Variants in CEP120 observed in about 807,000 individuals in gnomAD.
The protein encoded by CEP120 is centrosomal protein 120, also known as centrosomal protein of 120 kDa.
Under a neutral mutation model 126.5 loss-of-function variants are expected in CEP120, and 113 were observed. The observed-to-expected ratio is 0.89, with a 90% CI of 0.77 to 1.04. The LOEUF (loss-of-function observed/expected upper bound fraction) is 1.04. Ranked by LOEUF, CEP120 falls within the 50% of genes least tolerant of loss-of-function variation. CEP120 has a pLI of 0.00. For missense variants in CEP120, 1,230 were observed against 1,155.7 expected (o/e 1.06, Z -0.93); for synonymous variants, 400 against 394.3 (o/e 1.01, Z -0.17).
chr5:123,422,110 T>C (rs1406421468), intron 1 of CEP120, among the ~76,000 whole-genome samples: 2 of 152,216 alleles, frequency 1.3e-5, no homozygotes, highest in African/African-American at 4.8e-5. Context: ...ATTTAACCAA[T>C]GTTTACTGAG....
chr5:123,346,868 G>A (rs1344122949), intron 19 of CEP120, 115 bp from the exon 20 acceptor site: 8 of 779,392 alleles, frequency 1.0e-5, no homozygotes, highest in Admixed American at 1.0e-4. Context: ...TTTTCAGGAA[G>A]AAAACAAACC....
chr5:123,389,054 A>C (rs1433324005), intron 8 of CEP120, among the ~76,000 whole-genome samples: 4 of 152,224 alleles, frequency 2.6e-5, no homozygotes, highest in Admixed American at 2.6e-4. Context: ...TATCTAGTCC[A>C]ACCTATTAGA....
intron 17 of CEP120, among the ~76,000 whole-genome samples, chr5:123,368,074 TTCTC>T (rs1770592802): frequency 6.6e-6 from 1 of 151,972 alleles, no homozygotes; most frequent in Admixed American, 6.6e-5. Context: ...TTATGTACTT[TTCTC>T]TCTCAAGGCA....
chr5:123,417,226 T>C (rs987210274), intron 2 of CEP120, among the ~76,000 whole-genome samples: 3 of 152,216 alleles, frequency 2.0e-5, no homozygotes, highest in Non-Finnish European at 4.4e-5. Context: ...TCTCTAAGAA[T>C]GCAATACTTC....
At chr5:123,374,066 C>A (rs1469970172) in intron 16 of CEP120, among the ~76,000 whole-genome samples, 2 of 152,016 alleles carry the variant, frequency 1.3e-5, no homozygotes, top group Non-Finnish European at 2.9e-5. Context: ...AGATAAATAT[C>A]CATGTAAATA....
chr5:123,394,983 A>G (rs1465400794), intron 5 of CEP120, among the ~76,000 whole-genome samples: 1 of 152,220 alleles, frequency 6.6e-6, no homozygotes, highest in Non-Finnish European at 1.5e-5. Flanking sequence ...TGCCTAGCAC[A>G]CAGCTGTTGT....
At chr5:123,386,767 T>C in intron 9 of CEP120, 100 bp from the exon 10 acceptor site, 1 of 917,938 alleles carries the variant, frequency 1.1e-6, no homozygotes, top group African/African-American at 1.7e-5. Context: ...ATGAATATTA[T>C]GAGCAAATAC....
chr5:123,405,066 G>A (rs1773549101), intron 4 of CEP120, among the ~76,000 whole-genome samples: 1 of 152,258 alleles, frequency 6.6e-6, no homozygotes, highest in East Asian at 1.9e-4. Context: ...ATAAAAAGTT[G>A]AACAAACTAA....
At chr5:123,407,580 T>C (rs1773779323) in intron 4 of CEP120, among the ~76,000 whole-genome samples, 1 of 152,182 alleles carries the variant, frequency 6.6e-6, no homozygotes, top group African/African-American at 2.4e-5. Context: ...TCAAAATACA[T>C]GCAGCAAAAA....
At chr5:123,356,830 GTTA>G (rs1769672316) in intron 18 of CEP120, among the ~76,000 whole-genome samples, 1 of 151,954 alleles carries the variant, frequency 6.6e-6, no homozygotes, top group Non-Finnish European at 1.5e-5. Context: ...AACAAATACT[GTTA>G]TTGTTGTTTT....
At chr5:123,403,086 T>G in intron 4 of CEP120, 1 of 294,844 alleles carries the variant, frequency 3.4e-6, no homozygotes, top group South Asian at 2.8e-5. Context: ...ACAAAACAGG[T>G]AAGACCATAT....
chr5:123,398,299 A>G (rs1230957354), intron 5 of CEP120, among the ~76,000 whole-genome samples: 2 of 152,154 alleles, frequency 1.3e-5, no homozygotes, highest in Non-Finnish European at 2.9e-5. Flanking sequence ...TTTTGTGTTG[A>G]GCCGCTGTTG....
At chr5:123,420,120 C>A (rs1774628874) in intron 1 of CEP120, among the ~76,000 whole-genome samples, 1 of 152,192 alleles carries the variant, frequency 6.6e-6, no homozygotes, top group Non-Finnish European at 1.5e-5. Context: ...ACACACATCG[C>A]ACAGCTCTCC....
rs553669028 is a variant in CEP120 at position 123,412,285 on chromosome 5, G to C, written c.463+114C>G. 6.6e-5 allele frequency: 59 copies of C among 897,466 alleles called. No individual in the cohort carries two copies. The Admixed American group carries it at 1.5e-3, about 23-fold the overall frequency. 55.6% of individuals were successfully genotyped at this position (897,466 alleles called of 1,614,324 possible). On this transcript the variant is annotated intron_variant, in intron 4 of 19. Coordinates refer to ENST00000306467, the MANE Select transcript of CEP120 (RefSeq NM_001375405.1). ...CATGTGTAACAATGTCACAATATTTGTCTGATGAACAGTTTACACCCTGCA... is the reference window on the plus strand; with the variant it reads ...CATGTGTAACAATGTCACAATATTTCTCTGATGAACAGTTTACACCCTGCA...
intron 7 of CEP120, chr5:123,390,407 T>C: frequency 1.9e-6 from 1 of 527,974 alleles, no homozygotes; most frequent in Non-Finnish European, 3.6e-6. Context: ...AAGTCAGGCA[T>C]AGGTGTCCCC....
chr5:123,357,707 G>A (rs1411741744), intron 18 of CEP120, among the ~76,000 whole-genome samples: 1 of 152,106 alleles, frequency 6.6e-6, no homozygotes, highest in Non-Finnish European at 1.5e-5. Context: ...GCAGTGAACT[G>A]TGAATACACC....
intron 19 of CEP120, among the ~76,000 whole-genome samples, chr5:123,349,493 A>G (rs1389875809): frequency 6.6e-6 from 1 of 152,238 alleles, no homozygotes; most frequent in Non-Finnish European, 1.5e-5. Flanking sequence ...GACTCAGTTT[A>G]ATAGTAGCAA....
intron 17 of CEP120, among the ~76,000 whole-genome samples, chr5:123,367,835 T>C (rs563442827): frequency 1.3e-5 from 2 of 152,014 alleles, no homozygotes; most frequent in African/African-American, 4.8e-5. Context: ...GAAACAAAAC[T>C]CTCAATCAGA....
intron 1 of CEP120, chr5:123,422,485 T>C (rs891182989): frequency 2.0e-5 from 30 of 1,534,154 alleles, no homozygotes; most frequent in Non-Finnish European, 2.5e-5. Context: ...GAATGTATAA[T>C]ACACCCTCTT....
Sources: gnomAD v4.1 joint callset for allele counts (sites outside exome capture counted in the v4.1 genomes callset) on GRCh38, gnomAD v4.1.1 for gene constraint, MANE v1.5 for transcripts, NCBI Gene and HGNC (gene_info 2026-07-23, HGNC 2026-07-21) for gene names.